PPP2R2D: variants seen among roughly 807,000 people sequenced by gnomAD.
PPP2R2D encodes serine/threonine-protein phosphatase 2A 55 kDa regulatory subunit B delta isoform.
PPP2R2D carries 9 observed loss-of-function variants against 31.1 expected under a neutral mutation model. That is an observed-to-expected ratio of 0.29 (90% CI 0.17 to 0.51). The LOEUF (loss-of-function observed/expected upper bound fraction) is 0.51, where lower values mean the gene tolerates loss of function less well. Among genes scored for constraint, PPP2R2D ranks in the 20% least tolerant of loss-of-function variants. The probability of loss-of-function intolerance (pLI) is 0.98; values close to 1 mark genes in which losing one functional copy is unlikely to be tolerated. For synonymous variants in PPP2R2D, 179 were observed against 172.6 expected (o/e 1.04, Z -0.29); for missense variants, 391 against 465.6 (o/e 0.84, Z 1.48).
intron 2 of PPP2R2D, among the ~76,000 whole-genome samples, chr10:131,932,472 T>C (rs1554895805): frequency 6.6e-6 from 1 of 151,626 alleles, no homozygotes; most frequent in East Asian, 1.9e-4. Flanking sequence ...TTCGAGACAA[T>C]TCTGGTCAAC....
rs373934143 is a variant in PPP2R2D at position 131,927,398 on chromosome 10, GCGGGTGCGCGGGTCGGA to G, written c.101-7046_101-7030del. Among the ~76,000 whole-genome samples the G allele has an allele frequency of 2.4e-3, 366 of 152,268 alleles. 1 individual carries two copies. Among genetic ancestry groups the G allele is most frequent in the African/African-American group, 8.1e-3 (336 of 41,536 alleles). ...AGGATGAATGGAGCCTTCAGAGAGG[GCGGGTGCGCGGGTCGGA>G]CGGGTGCGCGGGTTGGAGTACAGGA... is the stretch of plus-strand genomic sequence containing the variant. On this transcript the variant is annotated intron_variant, in intron 2 of 8. Coordinates refer to ENST00000455566, the MANE Select transcript of PPP2R2D (RefSeq NM_018461.5).
intron 8 of PPP2R2D, among the ~76,000 whole-genome samples, chr10:131,953,610 A>G (rs1554899436): frequency 7.8e-6 from 1 of 128,940 alleles, no homozygotes; most frequent in Non-Finnish European, 1.6e-5. Context: ...GCGGGGGTTC[A>G]TTGTCTTAGT....
intron 2 of PPP2R2D, chr10:131,911,935 C>T (rs1375604913): frequency 6.6e-6 from 1 of 152,174 alleles, no homozygotes; most frequent in Non-Finnish European, 1.5e-5. Context: ...AATGATAGAA[C>T]AGCTGAGAAC....
rs965165759 is a variant in PPP2R2D at position 131,945,584 on chromosome 10, C to T, written c.820+125C>T. 6 of 1,170,074 alleles carry T rather than the reference C, an allele frequency of 5.1e-6. No individual in the cohort carries two copies. Among genetic ancestry groups the T allele is most frequent in the Middle Eastern group, 5.9e-4 (2 of 3,412 alleles). 72.5% of individuals were successfully genotyped at this position (1,170,074 alleles called of 1,614,324 possible). On this transcript the variant is annotated intron_variant, in intron 7 of 8. Transcript: ENST00000455566. This position sits in a 1 kb window ranked among gnomAD's most constrained non-coding sequence, Gnocchi z 4.8. ...CAGCAAGTCTTCTGCCTCGGCCTCC[C>T]GAGTAGCTGGGACCACAGGCAGGTG...
intron 2 of PPP2R2D, among the ~76,000 whole-genome samples, chr10:131,910,260 G>T (rs1399885872): frequency 6.6e-6 from 1 of 152,156 alleles, no homozygotes; most frequent in Non-Finnish European, 1.5e-5. Context: ...AACATCACAC[G>T]GGGGTTGTTT....
intron 2 of PPP2R2D, among the ~76,000 whole-genome samples, chr10:131,933,076 T>A (rs1363942395): frequency 2.6e-5 from 4 of 152,230 alleles, no homozygotes; most frequent in African/African-American, 9.7e-5. Context: ...GCAAGTTAGG[T>A]TATTTTCAGT....
chr10:131,928,668 G>A (rs1554895263), intron 2 of PPP2R2D, among the ~76,000 whole-genome samples: 1 of 152,346 alleles, frequency 6.6e-6, no homozygotes, highest in East Asian at 1.9e-4. Flanking sequence ...AGAGGTGGTG[G>A]GTGCCGTGGG....
chr10:131,945,162 A>G lies in PPP2R2D; in HGVS notation c.656-133A>G. On this transcript the variant is annotated intron_variant, in intron 6 of 8. Transcript: ENST00000455566. This position sits in a 1 kb window ranked among gnomAD's most constrained non-coding sequence, Gnocchi z 4.8. ...CGCTCCTTTGGAATTCGGGATGTGT[A>G]ACCAGCCTTCTTAATAGCTAATCCC... is the stretch of plus-strand genomic sequence containing the variant. 9.5e-7 allele frequency: 1 copy of G among 1,055,856 alleles called. No individual in the cohort carries two copies. The highest frequency in any genetic ancestry group is 3.0e-5 in the Admixed American group (1 of 33,148). The allele number at this position is 1,055,856 out of a possible 1,614,324, so 65.4% of individuals were successfully genotyped here.
At chr10:131,971,277 T>G in the PPP2R2D span, 4 of 384,484 alleles carry the variant, frequency 1.0e-5, no homozygotes, top group Admixed American at 1.7e-4. Context: ...GCAAACACTG[T>G]CCTAGGGAAG....
At chr10:131,901,186 A>C in intron 1 of PPP2R2D, 31 bp downstream of exon 1, 1 of 314,466 alleles carries the variant, frequency 3.2e-6, no homozygotes. Context: ...GGCGGGGACC[A>C]CGGGGGCGGG....
Position 131,955,709 on chromosome 10 carries a change from A to G in PPP2R2D, c.1108A>G (p.Asn370Asp). Residue 370 changes from asparagine (N) to aspartate (D), a missense_variant, in exon 9 of 9, where the codon AAC (asparagine) becomes GAC (aspartate). Physicochemically the swap from Asn to Asp is conservative, Grantham distance 23. Coordinates refer to ENST00000455566, the MANE Select transcript of PPP2R2D (RefSeq NM_018461.5). ...DSAIMTGSYN[N>D]FFRMFDRDTR... ...CGCCATCATGACCGGGTCCTATAACAACTTCTTCAGGATGTTTGATAGAGA... is the reference window on the plus strand; with the variant it reads ...CGCCATCATGACCGGGTCCTATAACGACTTCTTCAGGATGTTTGATAGAGA... 6.8e-7 allele frequency: 1 copy of G among 1,474,106 alleles called. No individual in the cohort carries two copies. Among genetic ancestry groups the G allele is most frequent in the South Asian group, 1.5e-5 (1 of 66,404 alleles). The allele number at this position is 1,474,106 out of a possible 1,614,324, so 91.3% of individuals were successfully genotyped here.
At chr10:131,925,788 G>A (rs1203871605) in intron 2 of PPP2R2D, among the ~76,000 whole-genome samples, 1 of 152,142 alleles carries the variant, frequency 6.6e-6, no homozygotes, top group Non-Finnish European at 1.5e-5. Flanking sequence ...TTAAGCAAAA[G>A]GAAAGCTCTC....
chr10:131,907,974 C>G (rs2035624223), intron 2 of PPP2R2D, among the ~76,000 whole-genome samples: 1 of 152,134 alleles, frequency 6.6e-6, no homozygotes, highest in African/African-American at 2.4e-5. Context: ...CTGAGGGCCC[C>G]TTTCTGAGCT....
At position 131,917,199 on chromosome 10, in the gene PPP2R2D, G is replaced by A. The variant is rs1420284937; in HGVS notation, c.100+15869G>A. Among the ~76,000 whole-genome samples, 30 of 139,560 alleles carry A rather than the reference G, an allele frequency of 2.1e-4. 1 individual carries two copies. Among genetic ancestry groups the A allele is most frequent in the Admixed American group, 1.6e-3 (23 of 13,978 alleles). 91.6% of individuals were successfully genotyped at this position (139,560 alleles called of 152,430 possible). On this transcript the variant is annotated intron_variant, in intron 2 of 8. Coordinates refer to ENST00000455566, the MANE Select transcript of PPP2R2D (RefSeq NM_018461.5). The stretch of plus-strand genomic sequence containing the variant: ...CACAGCGTTTGTAGGGACCTCAGGT[G>A]GGTGGAATGACACAGTGTAGGGACC...
chr10:131,907,759 A>G (rs2035620482), intron 2 of PPP2R2D, among the ~76,000 whole-genome samples: 1 of 150,562 alleles, frequency 6.6e-6, no homozygotes. Context: ...AAAAAAAAAA[A>G]GATTCACAGA....
chr10:131,971,073 G>T, the PPP2R2D span: 1 of 1,051,378 alleles, frequency 9.5e-7, no homozygotes, highest in Non-Finnish European at 1.4e-6. Flanking sequence ...CAATTCAAGA[G>T]CCCAGAGGCA....
chr10:131,969,604 T>C, the PPP2R2D span: 5 of 152,284 alleles, frequency 3.3e-5, no homozygotes, highest in African/African-American at 1.2e-4. Flanking sequence ...CAGTGGCTTT[T>C]ATCCCGTTTC....
chr10:131,966,655 ATCC>A, the PPP2R2D span: 2 of 152,094 alleles, frequency 1.3e-5, no homozygotes, highest in Non-Finnish European at 2.9e-5. Context: ...GGCTCAAGGG[ATCC>A]TCCTGCCTCA....
chr10:131,959,938 C>G (rs1325345660), downstream of PPP2R2D: 3 of 152,244 alleles, frequency 2.0e-5, no homozygotes, highest in African/African-American at 7.2e-5. Flanking sequence ...AAGGTGCAGC[C>G]CAGGCGGGTC....
Sources: allele counts gnomAD v4.1 joint callset (sites outside exome capture counted in the v4.1 genomes callset), GRCh38; gene constraint gnomAD v4.1.1; non-coding constraint Gnocchi (gnomAD v3.1); transcripts MANE v1.5; gene names NCBI Gene and HGNC (gene_info 2026-07-23, HGNC 2026-07-21).